CARMIL1: variants seen among roughly 807,000 people sequenced by gnomAD.
The protein encoded by CARMIL1 is F-actin-uncapping protein LRRC16A.
Under a neutral mutation model 177.1 loss-of-function variants are expected in CARMIL1, and 90 were observed. That is an observed-to-expected ratio of 0.51 (90% confidence interval 0.43 to 0.61). The LOEUF (loss-of-function observed/expected upper bound fraction) is 0.61, where lower values mean the gene tolerates loss of function less well. Among genes scored for constraint, CARMIL1 ranks in the 20% least tolerant of loss-of-function variants. CARMIL1 has a pLI of 0.00. For missense variants in CARMIL1, 1,380 were observed against 1,667.0 expected (o/e 0.83, Z 3.00); for synonymous variants, 577 against 606.2 (o/e 0.95, Z 0.71).
chr6:25,536,922 C>CT (rs147070907), intron 24 of CARMIL1, among the ~76,000 whole-genome samples: 20,572 of 152,036 alleles, frequency 0.14, 1,789 homozygotes, highest in South Asian at 0.19. Flanking sequence ...AGAATGAATA[C>CT]TTTTTTTAAG....
intron 2 of CARMIL1, chr6:25,389,297 T>A (rs1296366255): frequency 8.9e-6 from 1 of 112,082 alleles, no homozygotes; most frequent in Non-Finnish European, 2.2e-5. Flanking sequence ...TATGACACTG[T>A]CTATTATATG....
chr6:25,572,161 A>G (rs985014305), intron 29 of CARMIL1, among the ~76,000 whole-genome samples: 1 of 152,204 alleles, frequency 6.6e-6, no homozygotes, highest in South Asian at 2.1e-4. Context: ...CAAGATGTCA[A>G]CAACCTTTAA....
At position 25,451,907 on chromosome 6, in the gene CARMIL1, T is replaced by C. The variant is rs151122367; in HGVS notation, c.614+1196T>C. The C allele has an allele frequency of 2.4e-3, 1,420 of 582,704 alleles. 16 individuals carry two copies. Among genetic ancestry groups the C allele is most frequent in the African/African-American group, 0.017 (885 of 53,432 alleles). The allele number at this position is 582,704 out of a possible 1,614,324, so 36.1% of individuals were successfully genotyped here. ...GGAGAGAAATCTGGGATTCCAGCTA[T>C]ATCATTTGTGCCATTTGGACAACTG... On this transcript the variant is annotated intron_variant, in intron 8 of 36. Transcript: ENST00000329474.
chr6:25,490,046 T>C (rs560354744), intron 13 of CARMIL1, among the ~76,000 whole-genome samples: 12 of 152,284 alleles, frequency 7.9e-5, no homozygotes, highest in Non-Finnish European at 1.6e-4. Flanking sequence ...TGGGTCCTGT[T>C]GTAGCTTGCT....
chr6:25,441,015 A>G (rs1797696650), intron 5 of CARMIL1, among the ~76,000 whole-genome samples: 1 of 152,126 alleles, frequency 6.6e-6, no homozygotes, highest in South Asian at 2.1e-4. Context: ...ATGACTCTAT[A>G]TAAATGAACC....
intron 26 of CARMIL1, among the ~76,000 whole-genome samples, chr6:25,549,677 G>A (rs1809880200): frequency 6.6e-6 from 1 of 152,102 alleles, no homozygotes; most frequent in Non-Finnish European, 1.5e-5. Context: ...AAATTTTATT[G>A]GTGGATTGTG....
intron 2 of CARMIL1, among the ~76,000 whole-genome samples, chr6:25,304,675 A>G (rs1461790843): frequency 1.3e-5 from 2 of 152,208 alleles, no homozygotes; most frequent in East Asian, 3.8e-4. Context: ...ACAGACTGGT[A>G]CTGGTCCACA....
At chr6:25,390,314 A>AT (rs1296124307) in intron 2 of CARMIL1, among the ~76,000 whole-genome samples, 68 of 39,500 alleles carry the variant, frequency 1.7e-3, no homozygotes, top group South Asian at 8.9e-3. Context: ...ATATATATAT[A>AT]TATATATTTT....
At chr6:25,298,979 T>C (rs145301466) in intron 2 of CARMIL1, among the ~76,000 whole-genome samples, 4,243 of 152,148 alleles carry the variant, frequency 0.028, 73 homozygotes, top group Non-Finnish European at 0.038. Flanking sequence ...CTCGAACTCC[T>C]GACCTCAGGT....
At chr6:25,462,127 T>C (rs953254537) in intron 8 of CARMIL1, among the ~76,000 whole-genome samples, 14 of 152,228 alleles carry the variant, frequency 9.2e-5, no homozygotes, top group African/African-American at 3.4e-4. Context: ...GGCTTATCTT[T>C]TTCTTCTCTT....
chr6:25,610,311 A>G, intron 36 of CARMIL1, 130 bp downstream of exon 36: 1 of 1,080,112 alleles, frequency 9.3e-7, no homozygotes, highest in Non-Finnish European at 1.2e-6. Context: ...CTTGGGTTAA[A>G]TTTTTGGAAA....
intron 23 of CARMIL1, among the ~76,000 whole-genome samples, chr6:25,521,508 G>A (rs1208843572): frequency 2.0e-5 from 3 of 152,158 alleles, no homozygotes; most frequent in South Asian, 2.1e-4. Flanking sequence ...GATGGCTCAC[G>A]CCTGTAATCC....
intron 2 of CARMIL1, among the ~76,000 whole-genome samples, chr6:25,357,379 C>G (rs562937033): frequency 6.6e-6 from 1 of 152,066 alleles, no homozygotes; most frequent in African/African-American, 2.4e-5. Context: ...GCCGGGAGTT[C>G]GAGACCACCC....
At chr6:25,609,841 T>A (rs1422181437) in intron 35 of CARMIL1, among the ~76,000 whole-genome samples, 1 of 152,248 alleles carries the variant, frequency 6.6e-6, no homozygotes, top group Non-Finnish European at 1.5e-5. Context: ...TGTGCAGATA[T>A]TAACTTTTTA....
chr6:25,301,837 C>T (rs1782882163), intron 2 of CARMIL1, among the ~76,000 whole-genome samples: 1 of 152,206 alleles, frequency 6.6e-6, no homozygotes, highest in South Asian at 2.1e-4. Flanking sequence ...CAAAATAAAG[C>T]TGCATAGGGC....
Position 25,556,864 on chromosome 6 carries a change from T to G in CARMIL1, c.2742+14T>G, listed in dbSNP as rs899520400. Reference sequence around the variant, plus strand: ...GATACCTGTATGGTAAGACACATCCTCTGGTGGTACCGTTACCCTTTTCAC... The same window carrying G: ...GATACCTGTATGGTAAGACACATCCGCTGGTGGTACCGTTACCCTTTTCAC... On this transcript the variant is annotated intron_variant, in intron 29 of 36. Coordinates refer to ENST00000329474, the MANE Select transcript of CARMIL1 (RefSeq NM_017640.6). The G allele has an allele frequency of 2.5e-6, 4 of 1,612,036 alleles. No individual in the cohort carries two copies. Among genetic ancestry groups the G allele is most frequent in the Non-Finnish European group, 3.4e-6 (4 of 1,178,754 alleles).
intron 20 of CARMIL1, among the ~76,000 whole-genome samples, chr6:25,513,707 C>A (rs190763876): frequency 7.8e-4 from 119 of 152,252 alleles, no homozygotes; most frequent in African/African-American, 2.8e-3. Context: ...AAACCCCAGG[C>A]TGTGTGTGGG....
intron 2 of CARMIL1, among the ~76,000 whole-genome samples, chr6:25,339,997 G>A (rs142805327): frequency 1.4e-3 from 220 of 152,306 alleles, no homozygotes; most frequent in African/African-American, 5.2e-3. Context: ...TGCCTAGTCT[G>A]CCTGCATTGT....
chr6:25,366,010 G>A (rs1472724603), intron 2 of CARMIL1, among the ~76,000 whole-genome samples: 2 of 152,042 alleles, frequency 1.3e-5, no homozygotes, highest in East Asian at 3.9e-4. Flanking sequence ...TATGTATTAT[G>A]TATTTAGAGA....
Sources: gnomAD v4.1 joint callset for allele counts (sites outside exome capture counted in the v4.1 genomes callset) on GRCh38, gnomAD v4.1.1 for gene constraint, MANE v1.5 for transcripts, NCBI Gene and HGNC (gene_info 2026-07-23, HGNC 2026-07-21) for gene names.